Variants in JAG2 observed in about 807,000 individuals in gnomAD.
JAG2 encodes the protein jagged canonical Notch ligand 2, also known as protein jagged-2.
Under a neutral mutation model 141.7 loss-of-function variants are expected in JAG2, and 46 were observed. That is an observed-to-expected ratio of 0.32 (90% CI 0.26 to 0.42). The LOEUF (loss-of-function observed/expected upper bound fraction) is 0.42. Ranked by LOEUF, JAG2 falls within the 10% of genes least tolerant of loss-of-function variation. The probability of loss-of-function intolerance (pLI) is 1.00; values close to 1 mark genes in which losing one functional copy is unlikely to be tolerated. For synonymous variants in JAG2, 862 were observed against 763.5 expected (o/e 1.13, Z -2.13); for missense variants, 1,500 against 1,817.5 (o/e 0.83, Z 3.18).
chr14:105,146,562 C>T (rs1888230687), intron 21 of JAG2, 49 bp downstream of exon 21: 2 of 1,601,718 alleles, frequency 1.2e-6, no homozygotes, highest in Admixed American at 1.7e-5. Context: ...CTGGGTGTCA[C>T]CCATGCCCCC....
chr14:105,168,165 G>A (rs1469413690), intron 1 of JAG2, 58 bp from the exon 2 acceptor site: 1 of 1,397,642 alleles, frequency 7.2e-7, no homozygotes, highest in South Asian at 1.5e-5. Flanking sequence ...GGCGGGCCGG[G>A]CGCCAGGGGT....
chr14:105,162,353 C>T (rs72707682), intron 2 of JAG2, among the ~76,000 whole-genome samples: 6,486 of 152,064 alleles, frequency 0.043, 201 homozygotes, highest in Middle Eastern at 0.099. Flanking sequence ...CTCCCCAGCC[C>T]GAACCCTCAA....
In JAG2 at chr14:105,148,873, G is replaced by C; in HGVS notation, c.1907-15C>G. The C allele has an allele frequency of 6.3e-7, 1 of 1,588,428 alleles. No individual in the cohort carries two copies. Among genetic ancestry groups the C allele is most frequent in the Non-Finnish European group, 8.6e-7 (1 of 1,168,360 alleles). On this transcript the variant is annotated splice_polypyrimidine_tract_variant and intron_variant, in intron 14 of 25. Coordinates refer to ENST00000331782, the MANE Select transcript of JAG2 (RefSeq NM_002226.5). ...GTCGTCAATGTCTGCAGAGGCGAGC[G>C]GGGTGAGCCAGGGCCTCAGGCCAGC... is the stretch of plus-strand genomic sequence containing the variant.
intron 24 of JAG2, among the ~76,000 whole-genome samples, chr14:105,143,854 G>A (rs897509102): frequency 4.0e-5 from 6 of 151,422 alleles, no homozygotes; most frequent in Non-Finnish European, 7.4e-5. Flanking sequence ...CGGGCACACA[G>A]GAGAGCCCAG....
Position 105,149,298 on chromosome 14 carries a change from G to A in JAG2, c.1625C>T (p.Pro542Leu), listed in dbSNP as rs778287641. ...GCGAGCGCCGTTCCGGCAGGGGCTTGGCTCACAAAGGTCGACATCCACCTG... is the reference window on the plus strand; with the variant it reads ...GCGAGCGCCGTTCCGGCAGGGGCTTAGCTCACAAAGGTCGACATCCACCTG... ...LCEVDVDLCEPSPCRNGARCY... is the reference protein window; with the variant it reads ...LCEVDVDLCELSPCRNGARCY... The change falls in exon 13 of 26, where the codon CCA (proline) becomes CTA (leucine). Residue 542 changes from proline (P) to leucine (L), a missense_variant. This residue lies in a region of JAG2 where 875 missense variants were observed against 1,202.2 expected (regional missense o/e 0.73). Coordinates refer to ENST00000331782, the MANE Select transcript of JAG2 (RefSeq NM_002226.5). 1.2e-6 allele frequency: 2 copies of A among 1,612,670 alleles called. No individual in the cohort carries two copies. The highest frequency in any genetic ancestry group is 4.5e-5 in the East Asian group (2 of 44,878).
chr14:105,156,118 G>A lies in JAG2; in HGVS notation c.476-129C>T, dbSNP rs182356892. The A allele has an allele frequency of 7.6e-5, 92 of 1,214,244 alleles. No homozygotes were observed. The East Asian group carries it at 1.1e-3, about 15-fold the overall frequency. 75.2% of individuals were successfully genotyped at this position (1,214,244 alleles called of 1,614,324 possible). ...CGGGGCACAGCAGGCAGCAGCACAC[G>A]GAGGGCAGGGCCCCCGGCCAGGCTG... On this transcript the variant is annotated intron_variant, in intron 3 of 25. Coordinates refer to ENST00000331782, the MANE Select transcript of JAG2 (RefSeq NM_002226.5).
At chr14:105,145,311 G>A (rs866205050) in intron 23 of JAG2, among the ~76,000 whole-genome samples, 1 of 152,198 alleles carries the variant, frequency 6.6e-6, no homozygotes, top group Non-Finnish European at 1.5e-5. Context: ...GTGGGGGAAG[G>A]AGAGGCAGGG....
At position 105,142,686 on chromosome 14, in the gene JAG2, C is replaced by G. The variant is rs1888092841; in HGVS notation, c.*9G>C. ...GGGCCCTGGGTCCCGGCCCAGCTGG[C>G]AGCCGCCCCTACTCCTTGCCGGCGT... On this transcript the variant is annotated 3_prime_UTR_variant, in exon 26 of 26. Coordinates refer to ENST00000331782, the MANE Select transcript of JAG2 (RefSeq NM_002226.5). 1 of 1,587,036 alleles carries G rather than the reference C, an allele frequency of 6.3e-7. No individual in the cohort carries two copies. Among genetic ancestry groups the G allele is most frequent in the African/African-American group, 1.3e-5 (1 of 74,310 alleles).
Position 105,168,170 on chromosome 14 carries a change from A to G in JAG2, c.67-63T>C, listed in dbSNP as rs1001475584. The G allele has an allele frequency of 4.3e-6, 6 of 1,380,370 alleles. No individual in the cohort carries two copies. In the Admixed American group the frequency reaches 1.8e-4, roughly 41 times the overall value. The allele number at this position is 1,380,370 out of a possible 1,614,324, so 85.5% of individuals were successfully genotyped here. On this transcript the variant is annotated intron_variant, in intron 1 of 25. Coordinates refer to ENST00000331782, the MANE Select transcript of JAG2 (RefSeq NM_002226.5). ...GGCCGGGGTCGGCGGGCCGGGCGCC[A>G]GGGGTGGGGGAACAGGCCCCGCCGC...
At chr14:105,158,435 C>G (rs1888639662) in intron 2 of JAG2, among the ~76,000 whole-genome samples, 1 of 152,150 alleles carries the variant, frequency 6.6e-6, no homozygotes, top group Non-Finnish European at 1.5e-5. Flanking sequence ...GACTGCCCAG[C>G]ACAGCCTCAG....
At position 105,144,943 on chromosome 14, in the gene JAG2, A is replaced by T; in HGVS notation, c.3071T>A (p.Val1024Glu). ...CDRASSGASA[V>E]EVAVSFSPAR... ...CTGGGCACTCACCACGGCCACCTCC[A>T]CAGCACTGGCCCCCGAGGACGCCCG... Residue 1024 changes from valine to glutamate, a missense_variant, in exon 24 of 26, where the codon GTG becomes GAG. This residue lies in a region of JAG2 where 425 missense variants were observed against 441.0 expected (regional missense o/e 0.96). Transcript: ENST00000331782. 1 of 1,600,554 alleles carries T rather than the reference A, an allele frequency of 6.2e-7. No homozygotes were observed. The highest frequency in any genetic ancestry group is 8.5e-7 in the Non-Finnish European group (1 of 1,176,882).
In JAG2 at chr14:105,168,384, G is replaced by A; in HGVS notation, c.37C>T (p.Leu13=). 3 of 1,029,590 alleles carry A rather than the reference G, an allele frequency of 2.9e-6. No individual in the cohort carries two copies. The highest frequency in any genetic ancestry group is 3.6e-6 in the Non-Finnish European group (3 of 837,928). 63.8% of individuals were successfully genotyped at this position (1,029,590 alleles called of 1,614,324 possible). A position where few individuals can be genotyped will look rare whatever the true frequency, so the allele number is the denominator to read the frequency against. The part of the protein sequence containing the change: ...AQGRGRLPRR[L]LLLLALWVQA... ...ACCCAGAGCGCCAGCAGCAGCAGCAGCCGCCGGGGAAGGCGCCCCCGGCCC... is the reference window on the plus strand; with the variant it reads ...ACCCAGAGCGCCAGCAGCAGCAGCAACCGCCGGGGAAGGCGCCCCCGGCCC... Residue 13 remains leucine, a synonymous_variant, in exon 1 of 26, where the codon CTG becomes TTG. Coordinates refer to ENST00000331782, the MANE Select transcript of JAG2 (RefSeq NM_002226.5).
chr14:105,165,723 C>T (rs115815897), intron 2 of JAG2, among the ~76,000 whole-genome samples: 2,010 of 152,306 alleles, frequency 0.013, 47 homozygotes, highest in African/African-American at 0.046. Flanking sequence ...CAGACTCCCC[C>T]ACTCCTCTTC....
intron 23 of JAG2, 40 bp downstream of exon 23, chr14:105,145,691 G>A (rs1471028552): frequency 5.1e-6 from 8 of 1,566,942 alleles, no homozygotes; most frequent in Middle Eastern, 1.7e-4. Context: ...AGATGCCGGC[G>A]TGTGGCCTCT....
In JAG2 at chr14:105,155,788, T is replaced by A. The variant is rs1246917762; in HGVS notation, c.677A>T (p.Tyr226Phe). Residue 226 changes from tyrosine to phenylalanine, a missense_variant, in exon 4 of 26, where the codon TAC becomes TTC. Coordinates refer to ENST00000331782, the MANE Select transcript of JAG2 (RefSeq NM_002226.5). ...DFFGHYTCDQ[Y>F]GNKACMDGWM... ...GCCGTCCATGCAGGCCTTGTTGCCG[T>A]ACTGGTCGCAGGTGTAGTGGCCGAA... is the stretch of plus-strand genomic sequence containing the variant. 1.2e-6 allele frequency: 2 copies of A among 1,612,848 alleles called. No homozygotes were observed. The highest frequency in any genetic ancestry group is 1.7e-6 in the Non-Finnish European group (2 of 1,179,934).
At chr14:105,165,969 G>A (rs983306462) in intron 2 of JAG2, among the ~76,000 whole-genome samples, 5 of 152,212 alleles carry the variant, frequency 3.3e-5, no homozygotes, top group African/African-American at 1.2e-4. Flanking sequence ...ATACCAGGGT[G>A]CTGGCATCAC....
Position 105,155,976 on chromosome 14 carries a change from G to A in JAG2, c.489C>T (p.Ile163=), listed in dbSNP as rs375237099. 41 of 1,605,384 alleles carry A rather than the reference G, an allele frequency of 2.6e-5. No homozygotes were observed. Among genetic ancestry groups the A allele is most frequent in the East Asian group, 6.7e-5 (3 of 44,880 alleles). The change falls in exon 4 of 26, where the codon ATC becomes ATT. Residue 163 remains isoleucine, a synonymous_variant. Transcript: ENST00000331782. ...NDTTPNEELL[I]ERVSHAGMIN... ...TCATGCCGGCATGCGACACTCGCTC[G>A]ATCAGCAGCTCCTCTTGGGGAGGCG...
chr14:105,167,572 C>A lies in JAG2; in HGVS notation c.417+185G>T, dbSNP rs1485570847. ...GCTCCCGGTGGCCCCGGGGCCCCGG[C>A]GCGCCCACGTGGCCAGGCGCGGACC... On this transcript the variant is annotated intron_variant, in intron 2 of 25. Transcript: ENST00000331782. The surrounding 1 kb of genome is among the most constrained non-coding windows in gnomAD (Gnocchi z 4.8). Among the ~76,000 whole-genome samples the A allele has an allele frequency of 5.4e-5, 8 of 147,364 alleles. No individual in the cohort carries two copies. Among genetic ancestry groups the A allele is most frequent in the Admixed American group, 5.4e-4 (8 of 14,846 alleles).
At chr14:105,158,796 C>T (rs1401169389) in intron 2 of JAG2, among the ~76,000 whole-genome samples, 3 of 152,078 alleles carry the variant, frequency 2.0e-5, no homozygotes, top group Admixed American at 6.5e-5. Flanking sequence ...TCAGGGCCTG[C>T]TGGCTTCCCA....
Sources: allele counts gnomAD v4.1 joint callset (sites outside exome capture counted in the v4.1 genomes callset), GRCh38; gene constraint gnomAD v4.1.1; regional missense constraint gnomAD v4.1.1; non-coding constraint Gnocchi (gnomAD v3.1); transcripts MANE v1.5; gene names NCBI Gene and HGNC (gene_info 2026-07-23, HGNC 2026-07-21).